The following TMED2 variants were observed in gnomAD, a reference collection of about 807,000 sequenced individuals.
TMED2 encodes the protein transmembrane p24 trafficking protein 2, also known as transmembrane emp24 domain-containing protein 2.
Under a neutral mutation model 17.5 loss-of-function variants are expected in TMED2, and 3 were observed. The ratio of observed to expected loss-of-function variants is 0.17; its 90% CI spans 0.08 to 0.44. The LOEUF is 0.44. TMED2 is among the 20% of genes least tolerant of loss of function. The pLI is 0.99. For synonymous variants in TMED2, 95 were observed against 91.0 expected, an observed-to-expected ratio of 1.04 and a Z score of -0.25; for missense variants, 149 against 254.8, an observed-to-expected ratio of 0.58 and a Z score of 2.83.
chr12:123,591,722 C>T lies in TMED2; in HGVS notation c.481+1273C>T, dbSNP rs1258806647. On this transcript the variant is annotated intron_variant, in intron 3 of 3. Coordinates refer to ENST00000262225, the MANE Select transcript of TMED2 (RefSeq NM_006815.4). The stretch of plus-strand genomic sequence containing the variant: ...ACTTGAACCCCGGAGGCGGAGGTTG[C>T]AGTGAGCTGATATCATGCCATTGCA... Among the ~76,000 whole-genome samples the T allele has an allele frequency of 2.6e-5, 4 of 151,464 alleles. No homozygotes were observed. The East Asian group carries it at 7.8e-4, about 29-fold the overall frequency.
intron 3 of TMED2, among the ~76,000 whole-genome samples, chr12:123,594,107 T>G (rs1953412650): frequency 6.6e-6 from 1 of 151,246 alleles, no homozygotes; most frequent in Admixed American, 6.6e-5. Context: ...TAATGTTGGC[T>G]ATTTGCAGAA....
rs543851436 is a variant in TMED2 at position 123,593,861 on chromosome 12, A to G, written c.482-2744A>G. Among the ~76,000 whole-genome samples the G allele has an allele frequency of 5.3e-5, 8 of 152,056 alleles. No individual in the cohort carries two copies. The South Asian group carries it at 1.2e-3, about 24-fold the overall frequency. On this transcript the variant is annotated intron_variant, in intron 3 of 3. Transcript: ENST00000262225. ...CCCAGCCTGTAGTGCTGTGCTGACA[A>G]TACAGCTCACTGCAGCCTCAACCTC...
chr12:123,584,780 G>C lies in TMED2; in HGVS notation c.144G>C (p.Glu48Asp). The change falls in exon 1 of 4, where the codon GAG becomes GAC. Residue 48 changes from glutamate (E) to aspartate (D), a missense_variant. Physicochemically the swap from Glu to Asp is conservative, Grantham distance 45. Transcript: ENST00000262225. ...GCACCAAGATGGGCCTCATCTTCGA[G>C]GTGGCGGAGGGCGGCTTCCTGGACA... ...TSGTKMGLIF[E>D]VAEGGFLDID... 6.2e-7 allele frequency: 1 copy of C among 1,612,814 alleles called. No individual in the cohort carries two copies. Among genetic ancestry groups the C allele is most frequent in the Non-Finnish European group, 8.5e-7 (1 of 1,179,866 alleles).
chr12:123,584,844 C>T, intron 1 of TMED2, 28 bp downstream of exon 1: 1 of 1,601,472 alleles, frequency 6.2e-7, no homozygotes, highest in Non-Finnish European at 8.5e-7. Context: ...GCAGCTGAGG[C>T]TTGGTCGCGT....
rs1953443154 is a variant in TMED2, at chr12:123,597,876, G to C, written c.*1147G>C. On this transcript the variant is annotated 3_prime_UTR_variant, in exon 4 of 4. Coordinates refer to ENST00000262225, the MANE Select transcript of TMED2 (RefSeq NM_006815.4). Reference sequence around the variant, plus strand: ...TTTTTTTTTTTTTGGATCTTTGCAAGGGCAAAACTACAAGTAACGAGTTTT... The same window carrying C: ...TTTTTTTTTTTTTGGATCTTTGCAACGGCAAAACTACAAGTAACGAGTTTT... 7.0e-6 allele frequency: 1 copy of C among 142,920 alleles called. No individual in the cohort carries two copies. The highest frequency in any genetic ancestry group is 1.5e-5 in the Non-Finnish European group (1 of 66,176). 8.9% of individuals were successfully genotyped at this position (142,920 alleles called of 1,614,324 possible).
At chr12:123,595,777 C>G (rs1326468350) in intron 3 of TMED2, among the ~76,000 whole-genome samples, 1 of 152,002 alleles carries the variant, frequency 6.6e-6, no homozygotes, top group African/African-American at 2.4e-5. Context: ...AAAATCTTTG[C>G]TTCTACTTTG....
intron 2 of TMED2, among the ~76,000 whole-genome samples, chr12:123,588,471 C>CT (rs958825927): frequency 3.3e-5 from 5 of 151,950 alleles, no homozygotes; most frequent in Non-Finnish European, 7.4e-5. Context: ...TTCTGAAAGG[C>CT]TTTTTTGGTT....
intron 1 of TMED2, chr12:123,585,041 T>A (rs1039445087): frequency 3.7e-6 from 2 of 542,720 alleles, no homozygotes; most frequent in African/African-American, 1.9e-5. Context: ...TGGGGGCTCC[T>A]TCGGCATGCT....
intron 3 of TMED2, among the ~76,000 whole-genome samples, chr12:123,592,895 C>T (rs1953403501): frequency 6.6e-6 from 1 of 152,076 alleles, no homozygotes; most frequent in African/African-American, 2.4e-5. Flanking sequence ...CATGGTGAAA[C>T]CCCGTCTCTA....
chr12:123,588,207 T>C (rs1953366139), intron 2 of TMED2, among the ~76,000 whole-genome samples: 1 of 152,160 alleles, frequency 6.6e-6, no homozygotes, highest in South Asian at 2.1e-4. Flanking sequence ...GTTTTTTTTT[T>C]CCCCACAGTG....
intron 3 of TMED2, among the ~76,000 whole-genome samples, chr12:123,592,219 C>G (rs1953397399): frequency 1.3e-5 from 2 of 152,230 alleles, no homozygotes; most frequent in African/African-American, 4.8e-5. Context: ...TGCCTCCACT[C>G]TTAATCTCAC....
Position 123,597,287 on chromosome 12 carries a change from A to G in TMED2, c.*558A>G, listed in dbSNP as rs1953437633. 6.6e-6 allele frequency: 1 copy of G among 152,202 alleles called. No homozygotes were observed. Among genetic ancestry groups the G allele is most frequent in the African/African-American group, 2.4e-5 (1 of 41,442 alleles). 9.4% of individuals were successfully genotyped at this position (152,202 alleles called of 1,614,324 possible). On this transcript the variant is annotated 3_prime_UTR_variant, in exon 4 of 4. Transcript: ENST00000262225. ...CTTTGTTTTCTTGTTTTGCTTTAAA[A>G]CTACGACTCAGCATACATTTTCCCA...
chr12:123,587,068 G>T, intron 2 of TMED2, 129 bp downstream of exon 2: 1 of 896,308 alleles, frequency 1.1e-6, no homozygotes, highest in Non-Finnish European at 1.5e-6. Context: ...TGTGAAATAC[G>T]CTTTTTATTT....
At chr12:123,589,511 A>G (rs367637103) in intron 2 of TMED2, among the ~76,000 whole-genome samples, 1 of 152,286 alleles carries the variant, frequency 6.6e-6, no homozygotes, top group East Asian at 1.9e-4. Context: ...AGTGAACTTC[A>G]CATAACAACA....
chr12:123,596,336 T>C (rs776742782), intron 3 of TMED2, among the ~76,000 whole-genome samples: 5 of 152,240 alleles, frequency 3.3e-5, no homozygotes, highest in Non-Finnish European at 4.4e-5. Context: ...TGTAGGCTAA[T>C]GTAAGTGTTC....
chr12:123,596,089 G>T (rs1325840677), intron 3 of TMED2, among the ~76,000 whole-genome samples: 1 of 152,152 alleles, frequency 6.6e-6, no homozygotes, highest in Non-Finnish European at 1.5e-5. Context: ...TGACCCATAG[G>T]TTACAATGAC....
At chr12:123,584,954 AC>A (rs1886311081) in intron 1 of TMED2, 138 bp downstream of exon 1, 12 of 1,068,566 alleles carry the variant, frequency 1.1e-5, no homozygotes, top group East Asian at 5.6e-5. Context: ...CCAGGCCGCC[AC>A]CCCCCGCCCC....
intron 3 of TMED2, among the ~76,000 whole-genome samples, chr12:123,592,149 A>AT (rs1953396876): frequency 6.6e-6 from 1 of 152,188 alleles, no homozygotes; most frequent in African/African-American, 2.4e-5. Context: ...AGTGGGGCAT[A>AT]TTATGGACCA....
chr12:123,598,410 C>T lies in TMED2; in HGVS notation c.*1681C>T, dbSNP rs1371779333. The T allele has an allele frequency of 1.3e-5, 2 of 152,028 alleles. No homozygotes were observed. The highest frequency in any genetic ancestry group is 2.9e-5 in the Non-Finnish European group (2 of 68,024). The allele number at this position is 152,028 out of a possible 1,614,324, so 9.4% of individuals were successfully genotyped here. On this transcript the variant is annotated 3_prime_UTR_variant, in exon 4 of 4. Transcript: ENST00000262225. ...AAAGGGTTGAATTATTTTCACTTGC[C>T]CACGTAGTTTATGAATGTGGGAAAT...
Sources: allele counts gnomAD v4.1 joint callset (sites outside exome capture counted in the v4.1 genomes callset), GRCh38; gene constraint gnomAD v4.1.1; transcripts MANE v1.5; gene names NCBI Gene and HGNC (gene_info 2026-07-23, HGNC 2026-07-21).